NCKAP5: variants seen among roughly 807,000 people sequenced by gnomAD.
NCKAP5 encodes nck-associated protein 5.
A neutral mutation model predicts 167.0 loss-of-function variants in NCKAP5; 92 were observed. The ratio of observed to expected loss-of-function variants is 0.55; its 90% CI spans 0.47 to 0.66. The LOEUF (loss-of-function observed/expected upper bound fraction) is 0.66. NCKAP5 is among the 30% of genes least tolerant of loss of function. The pLI is 0.00. For synonymous variants in NCKAP5, 891 were observed against 877.4 expected (o/e 1.02, Z -0.27); for missense variants, 2,378 against 2,315.0 (o/e 1.03, Z -0.56).
At chr2:132,962,833 C>T (rs113768413) in intron 8 of NCKAP5, among the ~76,000 whole-genome samples, 10 of 152,052 alleles carry the variant, frequency 6.6e-5, no homozygotes, top group South Asian at 4.1e-4. Context: ...CCTCGTGATC[C>T]GCCTGCCTCG....
At position 132,861,191 on chromosome 2, in the gene NCKAP5, C is replaced by G. The variant is rs185181753; in HGVS notation, c.688-580G>C. ...TCCTCTGAACTCATGGATTTCCATA[C>G]CTTCTGGGGCTTTCTGGTCTCAGTG... On this transcript the variant is annotated intron_variant, in intron 10 of 19. Transcript: ENST00000409261. 4.0e-3 allele frequency among the ~76,000 whole-genome samples: 614 copies of G among 152,186 alleles called. 1 individual carries two copies. The highest frequency in any genetic ancestry group is 0.014 in the African/African-American group (574 of 41,520).
intron 5 of NCKAP5, among the ~76,000 whole-genome samples, chr2:133,180,367 C>A (rs924579698): frequency 3.9e-5 from 6 of 151,922 alleles, no homozygotes; most frequent in Non-Finnish European, 5.9e-5. Context: ...CAGGGTCTCA[C>A]TGTGTTGTTC....
intron 5 of NCKAP5, among the ~76,000 whole-genome samples, chr2:133,196,601 A>G (rs2150103191): frequency 6.6e-6 from 1 of 152,318 alleles, no homozygotes; most frequent in Middle Eastern, 3.4e-3. Context: ...AGTAAACAGT[A>G]GCAGTGGAGA....
chr2:133,292,911 A>G (rs1333946910), intron 4 of NCKAP5, among the ~76,000 whole-genome samples: 2 of 152,184 alleles, frequency 1.3e-5, no homozygotes, highest in Admixed American at 1.3e-4. Context: ...CTAGTCCTGA[A>G]TTTCTCGTCA....
the NCKAP5 span, among the ~76,000 whole-genome samples, chr2:133,602,852 G>A: frequency 1.3e-5 from 2 of 152,204 alleles, no homozygotes; most frequent in Non-Finnish European, 2.9e-5. Context: ...AGAGTGGAAG[G>A]AGGAACACAA....
chr2:132,692,154 A>ATTTCATTTTT (rs1686815237), intron 19 of NCKAP5, among the ~76,000 whole-genome samples: 2 of 141,764 alleles, frequency 1.4e-5, no homozygotes, highest in African/African-American at 5.7e-5. Context: ...ATTTTATTTT[A>ATTTCATTTTT]TTTTTTGAGA....
At chr2:133,362,580 A>G (rs772006435) in intron 3 of NCKAP5, among the ~76,000 whole-genome samples, 1 of 152,216 alleles carries the variant, frequency 6.6e-6, no homozygotes, top group Non-Finnish European at 1.5e-5. Flanking sequence ...TCTAGAATGC[A>G]ATGTTTTAAA....
At chr2:133,112,952 G>T (rs2081963460) in intron 6 of NCKAP5, among the ~76,000 whole-genome samples, 1 of 152,182 alleles carries the variant, frequency 6.6e-6, no homozygotes, top group Non-Finnish European at 1.5e-5. Flanking sequence ...AAATGGATAC[G>T]ATGAAACGTG....
chr2:133,397,154 T>C (rs1334230574), intron 3 of NCKAP5, among the ~76,000 whole-genome samples: 1 of 152,192 alleles, frequency 6.6e-6, no homozygotes, highest in Non-Finnish European at 1.5e-5. Flanking sequence ...AGATAATTCA[T>C]AAAAATCTCT....
chr2:132,719,774 G>T (rs368771532), intron 19 of NCKAP5, among the ~76,000 whole-genome samples: 1 of 152,222 alleles, frequency 6.6e-6, no homozygotes, highest in African/African-American at 2.4e-5. Flanking sequence ...GAGCATGGAC[G>T]ATGAGAGCGG....
chr2:133,619,916 C>T, the NCKAP5 span, among the ~76,000 whole-genome samples: 1 of 152,116 alleles, frequency 6.6e-6, no homozygotes, highest in African/African-American at 2.4e-5. Context: ...TCAGCAGAAA[C>T]CCTACAAGCT....
rs111929397 is a variant in NCKAP5, at chr2:132,774,479, A to ATT, written c.5050-587_5050-586dup. ...AGAGCAGTGAGTCATTTATCTAGAT[A>ATT]TTTTTTTTTGAGCCAAAAACATTCC... On this transcript the variant is annotated intron_variant, in intron 15 of 19. Transcript: ENST00000409261. Among the ~76,000 whole-genome samples the ATT allele has an allele frequency of 5.0e-3, 756 of 151,338 alleles. 7 individuals carry two copies. The highest frequency in any genetic ancestry group is 7.1e-3 in the Non-Finnish European group (481 of 67,824).
chr2:132,678,882 C>T (rs530147178), intron 19 of NCKAP5, among the ~76,000 whole-genome samples: 1 of 152,228 alleles, frequency 6.6e-6, no homozygotes, highest in Admixed American at 6.5e-5. Context: ...GCTGTGTAAG[C>T]CCTCTGACCC....
chr2:132,720,102 C>T (rs1229271281), intron 19 of NCKAP5, among the ~76,000 whole-genome samples: 1 of 152,180 alleles, frequency 6.6e-6, no homozygotes, highest in Non-Finnish European at 1.5e-5. Context: ...AGGTCTTCCC[C>T]ACTTCCTACA....
the NCKAP5 span, among the ~76,000 whole-genome samples, chr2:133,655,027 G>A: frequency 6.6e-6 from 1 of 152,200 alleles, no homozygotes; most frequent in East Asian, 1.9e-4. Context: ...TCAATCATTT[G>A]GTTCTTTCCT....
At chr2:132,993,145 A>G (rs1288474708) in intron 7 of NCKAP5, among the ~76,000 whole-genome samples, 1 of 152,210 alleles carries the variant, frequency 6.6e-6, no homozygotes, top group Admixed American at 6.5e-5. Context: ...CTGGCTTTTT[A>G]GCCAGCAAAA....
At chr2:133,218,790 G>A (rs1401211568) in intron 4 of NCKAP5, among the ~76,000 whole-genome samples, 1 of 152,162 alleles carries the variant, frequency 6.6e-6, no homozygotes, top group Non-Finnish European at 1.5e-5. Context: ...CAGTGTAAAT[G>A]TTAGGAACAT....
At chr2:133,106,288 G>A (rs1454596537) in intron 6 of NCKAP5, among the ~76,000 whole-genome samples, 200 of 116,704 alleles carry the variant, frequency 1.7e-3, no homozygotes, top group African/African-American at 6.0e-3. Flanking sequence ...GCCAGACTCC[G>A]TCTCAAAAAA....
chr2:132,780,968 C>A, intron 15 of NCKAP5, 84 bp downstream of exon 15: 2 of 1,378,062 alleles, frequency 1.5e-6, no homozygotes, highest in Non-Finnish European at 2.0e-6. Flanking sequence ...CTTACCCATA[C>A]ATTTTCATTA....
Sources: allele counts gnomAD v4.1 joint callset (sites outside exome capture counted in the v4.1 genomes callset), GRCh38; gene constraint gnomAD v4.1.1; transcripts MANE v1.5; gene names NCBI Gene and HGNC (gene_info 2026-07-23, HGNC 2026-07-21).